The following DCDC2C variants were observed in gnomAD, a reference collection of about 807,000 sequenced individuals.
DCDC2C encodes doublecortin domain-containing protein 2C.
In DCDC2C, 44 loss-of-function variants were observed where a neutral mutation model predicts 45.0. That is an observed-to-expected ratio of 0.98 (90% CI 0.77 to 1.26). The LOEUF is 1.26. DCDC2C is among the 50% of genes most tolerant of loss of function. DCDC2C has a pLI of 0.00. For synonymous variants in DCDC2C, 187 were observed against 178.8 expected, an observed-to-expected ratio of 1.05 and a Z score of -0.37; for missense variants, 447 against 468.9, an observed-to-expected ratio of 0.95 and a Z score of 0.43.
intron 6 of DCDC2C, among the ~76,000 whole-genome samples, chr2:3,762,186 G>A (rs1669897463): frequency 1.5e-5 from 1 of 64,746 alleles, no homozygotes; most frequent in Non-Finnish European, 3.2e-5. Context: ...TTAACCAAGT[G>A]CTGCTGTAGA....
At chr2:3,824,699 T>TC (rs138550624) in intron 10 of DCDC2C, among the ~76,000 whole-genome samples, 16,569 of 151,876 alleles carry the variant, frequency 0.11, 1,091 homozygotes, top group East Asian at 0.29. Flanking sequence ...AGGTTTCTCT[T>TC]CCCCCCGACC....
chr2:3,736,091 G>A (rs1376886106), intron 3 of DCDC2C, among the ~76,000 whole-genome samples: 4 of 152,274 alleles, frequency 2.6e-5, no homozygotes, highest in Non-Finnish European at 5.9e-5. Flanking sequence ...GCTGATTGAA[G>A]TCTTTGGTTA....
chr2:3,797,198 G>A (rs917061701), intron 10 of DCDC2C, among the ~76,000 whole-genome samples: 2 of 152,212 alleles, frequency 1.3e-5, no homozygotes, highest in African/African-American at 2.4e-5. Context: ...TTGTATTTCT[G>A]TAGGATTGGT....
chr2:3,847,380 T>C lies in DCDC2C; in HGVS notation c.*197T>C. ...CTTCTTATTCCCTTTCTCAGTGATA[T>C]TTCTTTTTAGTAAACATTTTAAAGA... On this transcript the variant is annotated 3_prime_UTR_variant, in exon 11 of 11. Coordinates refer to ENST00000399143, the MANE Select transcript of DCDC2C (RefSeq NM_001287444.2). 1 of 381,804 alleles carries C rather than the reference T, an allele frequency of 2.6e-6. No homozygotes were observed. The highest frequency in any genetic ancestry group is 2.1e-5 in the African/African-American group (1 of 48,366). The allele number at this position is 381,804 out of a possible 1,614,324, so 23.7% of individuals were successfully genotyped here. A position where few individuals can be genotyped will look rare whatever the true frequency, so the allele number is the denominator to read the frequency against.
intron 4 of DCDC2C, among the ~76,000 whole-genome samples, chr2:3,742,348 AGT>A (rs1669242722): frequency 6.6e-6 from 1 of 152,174 alleles, no homozygotes; most frequent in Non-Finnish European, 1.5e-5. Flanking sequence ...CGACCGTTCA[AGT>A]TGCTAGAATG....
chr2:3,746,931 G>T (rs563958190), intron 4 of DCDC2C, among the ~76,000 whole-genome samples: 1 of 152,228 alleles, frequency 6.6e-6, no homozygotes, highest in South Asian at 2.1e-4. Flanking sequence ...GGGGTGGGGG[G>T]ACTGTGTGGA....
At position 3,720,346 on chromosome 2, in the gene DCDC2C, T is replaced by C. The variant is rs147591401; in HGVS notation, c.340-6657T>C. 3.2e-3 allele frequency among the ~76,000 whole-genome samples: 486 copies of C among 152,152 alleles called. 10 individuals carry two copies. The highest frequency in any genetic ancestry group is 8.1e-3 in the African/African-American group (337 of 41,416). ...TCCAGCATGGAGTCTCTGTGAGGTT[T>C]TCAGAGGAACTCACTAAAGCCTGCA... is the stretch of plus-strand genomic sequence containing the variant. On this transcript the variant is annotated intron_variant, in intron 2 of 10. Coordinates refer to ENST00000399143, the MANE Select transcript of DCDC2C (RefSeq NM_001287444.2).
chr2:3,741,705 A>G (rs1243506841), intron 3 of DCDC2C, among the ~76,000 whole-genome samples: 1 of 147,530 alleles, frequency 6.8e-6, no homozygotes, highest in South Asian at 2.1e-4. Context: ...ACACACACAC[A>G]CATAGGTATA....
intron 10 of DCDC2C, among the ~76,000 whole-genome samples, chr2:3,828,505 A>G (rs1032032656): frequency 6.6e-6 from 1 of 152,182 alleles, no homozygotes; most frequent in Non-Finnish European, 1.5e-5. Flanking sequence ...CAACAGCATC[A>G]TAGTCCAATT....
At chr2:3,756,684 T>A (rs1233475069) in intron 6 of DCDC2C, among the ~76,000 whole-genome samples, 3 of 152,254 alleles carry the variant, frequency 2.0e-5, no homozygotes, top group Non-Finnish European at 4.4e-5. Context: ...CTTATCCAAC[T>A]TCATTCACTG....
intron 4 of DCDC2C, among the ~76,000 whole-genome samples, chr2:3,748,399 G>A (rs1041277424): frequency 3.3e-5 from 5 of 151,276 alleles, no homozygotes; most frequent in Non-Finnish European, 5.9e-5. Flanking sequence ...GAGGTGATGC[G>A]GGAGGGGAGA....
At chr2:3,783,767 C>T (rs1670575490) in intron 9 of DCDC2C, among the ~76,000 whole-genome samples, 1 of 152,200 alleles carries the variant, frequency 6.6e-6, no homozygotes. Context: ...AGCGTGGCCC[C>T]AGTAGAGGGG....
chr2:3,818,314 C>A lies in DCDC2C; in HGVS notation c.1066-28840C>A, dbSNP rs1349254761. On this transcript the variant is annotated intron_variant, in intron 10 of 10. Transcript: ENST00000399143. This position sits in a 1 kb window ranked among gnomAD's most constrained non-coding sequence, Gnocchi z 4.7. ...GAGCCTGATGGGTGTCAGGGTCTGTCCAAGTGAAAGCGAAGAGAGGCTGGG... is the reference window on the plus strand; with the variant it reads ...GAGCCTGATGGGTGTCAGGGTCTGTACAAGTGAAAGCGAAGAGAGGCTGGG... 6.6e-6 allele frequency among the ~76,000 whole-genome samples: 1 copy of A among 151,858 alleles called. No homozygotes were observed. The highest frequency in any genetic ancestry group is 2.4e-5 in the African/African-American group (1 of 41,286).
chr2:3,777,798 C>A (rs1670387766), intron 8 of DCDC2C, among the ~76,000 whole-genome samples: 1 of 152,236 alleles, frequency 6.6e-6, no homozygotes, highest in South Asian at 2.1e-4. Context: ...GGTCAGCTGG[C>A]AGGAGCTGTT....
Position 3,792,547 on chromosome 2 carries a change from T to G in DCDC2C, c.1065+7447T>G, listed in dbSNP as rs558314297. 9.2e-4 allele frequency among the ~76,000 whole-genome samples: 140 copies of G among 152,356 alleles called. 2 individuals carry two copies. The highest frequency in any genetic ancestry group is 1.7e-3 in the Non-Finnish European group (116 of 68,032). ...TTTCAAATTATAATTATATATATAG[T>G]CAATTTACGATGTTTCTGCAAGGTA... On this transcript the variant is annotated intron_variant, in intron 10 of 10. Transcript: ENST00000399143.
At chr2:3,784,874 AGG>A (rs1172249406) in intron 9 of DCDC2C, among the ~76,000 whole-genome samples, 183 bp from the exon 10 acceptor site, 18 of 152,230 alleles carry the variant, frequency 1.2e-4, no homozygotes. Flanking sequence ...AGGAAGTAGG[AGG>A]AACAGAGCAG....
intron 10 of DCDC2C, among the ~76,000 whole-genome samples, chr2:3,832,693 A>T (rs920235013): frequency 6.6e-6 from 1 of 152,192 alleles, no homozygotes; most frequent in African/African-American, 2.4e-5. Flanking sequence ...CCTGATTTGT[A>T]GTCATTTTCT....
Position 3,792,681 on chromosome 2 carries a change from G to A in DCDC2C, c.1065+7581G>A, listed in dbSNP as rs546954915. Among the ~76,000 whole-genome samples the A allele has an allele frequency of 4.6e-5, 7 of 152,264 alleles. No homozygotes were observed. The South Asian group carries it at 1.5e-3, about 32-fold the overall frequency. Reference sequence around the variant, plus strand: ...TTTCATTTCTGGGAAGGCTTAATGAGAAATCCTTATTGGCTGCTTACACCA... The same window carrying A: ...TTTCATTTCTGGGAAGGCTTAATGAAAAATCCTTATTGGCTGCTTACACCA... On this transcript the variant is annotated intron_variant, in intron 10 of 10. Transcript: ENST00000399143.
chr2:3,729,360 G>A (rs770371183), intron 3 of DCDC2C, among the ~76,000 whole-genome samples: 5 of 152,206 alleles, frequency 3.3e-5, no homozygotes, highest in East Asian at 1.9e-4. Flanking sequence ...CGAGACTGAC[G>A]TCGAAGATAG....
Sources: gnomAD v4.1 joint callset for allele counts (sites outside exome capture counted in the v4.1 genomes callset) on GRCh38, gnomAD v4.1.1 for gene constraint, Gnocchi (gnomAD v3.1) non-coding constraint, MANE v1.5 for transcripts, NCBI Gene and HGNC (gene_info 2026-07-23, HGNC 2026-07-21) for gene names.